DPP10: variants seen among roughly 807,000 people sequenced by gnomAD.
DPP10 encodes inactive dipeptidyl peptidase 10.
A neutral mutation model predicts 120.9 loss-of-function variants in DPP10; 33 were observed. The ratio of observed to expected loss-of-function variants is 0.27; its 90% confidence interval spans 0.21 to 0.37. DPP10 has a LOEUF of 0.37. DPP10 is among the 10% of genes least tolerant of loss of function. The pLI is 1.00. For missense variants in DPP10, 816 were observed against 942.8 expected (o/e 0.87, Z 1.76); for synonymous variants, 337 against 326.1 (o/e 1.03, Z -0.36).
At chr2:115,377,527 C>A (rs1319148022) in intron 3 of DPP10, among the ~76,000 whole-genome samples, 1 of 152,078 alleles carries the variant, frequency 6.6e-6, no homozygotes, top group East Asian at 1.9e-4. Context: ...ATGGTAGTTT[C>A]TTTTGCTGTG....
At chr2:115,680,305 T>C (rs1485960795) in intron 5 of DPP10, among the ~76,000 whole-genome samples, 1 of 152,002 alleles carries the variant, frequency 6.6e-6, no homozygotes, top group Non-Finnish European at 1.5e-5. Context: ...TTAGAGTGTG[T>C]ATATGTAACC....
At chr2:115,285,784 A>C (rs1232453695) in intron 1 of DPP10, among the ~76,000 whole-genome samples, 1 of 152,022 alleles carries the variant, frequency 6.6e-6, no homozygotes, top group Non-Finnish European at 1.5e-5. Flanking sequence ...TGTGGTTTTC[A>C]AGTTTAATTA....
chr2:115,067,133 G>A (rs1441912077), intron 1 of DPP10, among the ~76,000 whole-genome samples: 2 of 152,056 alleles, frequency 1.3e-5, no homozygotes, highest in Non-Finnish European at 2.9e-5. Context: ...TTTTAAGATT[G>A]TATATGTGAG....
chr2:114,628,160 T>C (rs2105360905), intron 1 of DPP10, among the ~76,000 whole-genome samples: 1 of 152,270 alleles, frequency 6.6e-6, no homozygotes, highest in East Asian at 1.9e-4. Flanking sequence ...GACATTATTT[T>C]CTTATACTGG....
chr2:115,290,921 C>G (rs958291911), intron 1 of DPP10, among the ~76,000 whole-genome samples: 10 of 152,096 alleles, frequency 6.6e-5, no homozygotes, highest in Non-Finnish European at 1.3e-4. Flanking sequence ...GTAATCCCTG[C>G]TAATCTACTC....
chr2:115,228,422 C>A (rs2057553798), intron 1 of DPP10, among the ~76,000 whole-genome samples: 1 of 151,948 alleles, frequency 6.6e-6, no homozygotes, highest in Non-Finnish European at 1.5e-5. Context: ...ACTGTAGTTA[C>A]CCTGTTTTGC....
At chr2:115,255,554 A>C (rs768777347) in intron 1 of DPP10, among the ~76,000 whole-genome samples, 2 of 152,072 alleles carry the variant, frequency 1.3e-5, no homozygotes, top group African/African-American at 4.8e-5. Context: ...TTTCTTTTCT[A>C]TCATATTGTC....
intron 1 of DPP10, among the ~76,000 whole-genome samples, chr2:114,881,458 T>TCTAA (rs1302881531): frequency 5.0e-3 from 4 of 796 alleles, no homozygotes; most frequent in African/African-American, 8.1e-3. Flanking sequence ...TGTCTGTCTG[T>TCTAA]CTATCTATCT....
intron 1 of DPP10, among the ~76,000 whole-genome samples, chr2:114,775,799 C>A (rs1681674341): frequency 6.6e-6 from 1 of 152,142 alleles, no homozygotes; most frequent in Admixed American, 6.5e-5. Flanking sequence ...CAACACAATG[C>A]ATAAATATAT....
intron 1 of DPP10, among the ~76,000 whole-genome samples, chr2:114,446,982 G>T (rs1434605755): frequency 6.6e-6 from 1 of 151,812 alleles, no homozygotes; most frequent in African/African-American, 2.4e-5. Flanking sequence ...GCCATGAATT[G>T]GCATGATGAG....
At chr2:114,918,169 C>T (rs542429442) in intron 1 of DPP10, among the ~76,000 whole-genome samples, 1 of 152,274 alleles carries the variant, frequency 6.6e-6, no homozygotes, top group Non-Finnish European at 1.5e-5. Context: ...CAAAAGACGA[C>T]ATGCATGTGG....
chr2:114,813,845 A>G (rs1252831952), intron 1 of DPP10, among the ~76,000 whole-genome samples: 2 of 151,846 alleles, frequency 1.3e-5, no homozygotes, highest in Non-Finnish European at 2.9e-5. Flanking sequence ...TGCTTGTAAC[A>G]CTAGTAAATA....
At chr2:115,003,704 T>G (rs1701611937) in intron 1 of DPP10, among the ~76,000 whole-genome samples, 2 of 152,000 alleles carry the variant, frequency 1.3e-5, no homozygotes, top group South Asian at 4.1e-4. Context: ...GAACCACAAA[T>G]TATTGAAAAA....
At chr2:114,736,672 G>T (rs751809870) in intron 1 of DPP10, among the ~76,000 whole-genome samples, 23 of 152,148 alleles carry the variant, frequency 1.5e-4, no homozygotes, top group Non-Finnish European at 3.1e-4. Context: ...CAGAAATAGA[G>T]GTTTGAATGA....
intron 1 of DPP10, among the ~76,000 whole-genome samples, chr2:114,500,656 G>T (rs932119878): frequency 9.9e-5 from 15 of 152,008 alleles, no homozygotes; most frequent in African/African-American, 3.4e-4. Flanking sequence ...TGGCCTCCAG[G>T]ATCCAGGAAA....
At chr2:115,748,220 T>A (rs1317715928) in intron 10 of DPP10, among the ~76,000 whole-genome samples, 1 of 108,696 alleles carries the variant, frequency 9.2e-6, no homozygotes, top group Non-Finnish European at 2.0e-5. Context: ...ATAATTTACA[T>A]GTTTATGGGT....
Position 114,992,342 on chromosome 2 carries a change from G to C in DPP10, c.61-316897G>C, listed in dbSNP as rs146126074. ...TCTAGTTCACAGGTTAGCCACCCCA[G>C]CTCCCCATTCAGAGCTCCCTAGTGG... is the stretch of plus-strand genomic sequence containing the variant. On this transcript the variant is annotated intron_variant, in intron 1 of 25. Coordinates refer to ENST00000410059, the MANE Select transcript of DPP10 (RefSeq NM_020868.6). 5.8e-3 allele frequency among the ~76,000 whole-genome samples: 885 copies of C among 152,204 alleles called. 2 individuals carry two copies. The highest frequency in any genetic ancestry group is 0.02 in the African/African-American group (833 of 41,522).
At chr2:115,434,812 A>G (rs1272179020) in intron 3 of DPP10, among the ~76,000 whole-genome samples, 3 of 151,498 alleles carry the variant, frequency 2.0e-5, no homozygotes, top group Admixed American at 6.6e-5. Flanking sequence ...CCATTAACCA[A>G]CTTCTCTTCA....
At chr2:115,076,177 A>G (rs1707772767) in intron 1 of DPP10, among the ~76,000 whole-genome samples, 1 of 152,104 alleles carries the variant, frequency 6.6e-6, no homozygotes, top group Non-Finnish European at 1.5e-5. Context: ...CATTCAGGTA[A>G]GAATAAAATA....
Sources: allele counts gnomAD v4.1 joint callset (sites outside exome capture counted in the v4.1 genomes callset), GRCh38; gene constraint gnomAD v4.1.1; transcripts MANE v1.5; gene names NCBI Gene and HGNC (gene_info 2026-07-23, HGNC 2026-07-21).